ANKRD11: variants seen among roughly 807,000 people sequenced by gnomAD.
The protein encoded by ANKRD11 is ankyrin repeat domain-containing protein 11.
ANKRD11 carries 17 observed loss-of-function variants against 195.7 expected under a neutral mutation model. The observed-to-expected ratio is 0.09, with a 90% confidence interval of 0.06 to 0.13. ANKRD11 has a LOEUF of 0.13. Among genes scored for constraint, ANKRD11 ranks in the 10% least tolerant of loss-of-function variants. ANKRD11 has a pLI of 1.00. For synonymous variants in ANKRD11, 1,953 were observed against 1,528.1 expected (o/e 1.28, Z -6.49); for missense variants, 3,735 against 3,566.1 (o/e 1.05, Z -1.21).
intron 2 of ANKRD11, among the ~76,000 whole-genome samples, chr16:89,389,580 C>T (rs144704825): frequency 9.9e-5 from 15 of 152,230 alleles, no homozygotes; most frequent in South Asian, 4.2e-4. Flanking sequence ...ATGAAGATGA[C>T]GCTGTGTGAG....
intron 9 of ANKRD11, among the ~76,000 whole-genome samples, chr16:89,277,203 T>G (rs1008005870): frequency 1.3e-5 from 2 of 152,122 alleles, no homozygotes; most frequent in Non-Finnish European, 2.9e-5. Context: ...GTGGCAGGGA[T>G]TCTGTGGGCC....
rs767333781 is a variant in ANKRD11 at position 89,280,685 on chromosome 16, G to T, written c.5857C>A (p.Pro1953Thr). ...CTAGAGGCAAGCGCCTGCTCGGAGG[G>T]GTGGGCCCACTCAACGGGCTCCTCG... The part of the protein sequence containing the change: ...ITEEPVEWAH[P>T]SEQALASSLI... Residue 1953 changes from proline to threonine, a missense_variant, in exon 9 of 13, where the codon CCC becomes ACC. Coordinates refer to ENST00000301030, the MANE Select transcript of ANKRD11 (RefSeq NM_013275.6). 3 of 1,613,244 alleles carry T rather than the reference G, an allele frequency of 1.9e-6. No individual in the cohort carries two copies. Among genetic ancestry groups the T allele is most frequent in the Admixed American group, 1.7e-5 (1 of 60,010 alleles).
rs139523271 is a variant in ANKRD11 at position 89,284,330 on chromosome 16, G to A, written c.2212C>T (p.Arg738Cys). ...CTCTCCTTTTCTGCTTTATTCGAACGGTCTTTCTCTTCTCGGAAAGACCTG... is the reference window on the plus strand; with the variant it reads ...CTCTCCTTTTCTGCTTTATTCGAACAGTCTTTCTCTTCTCGGAAAGACCTG... ...ISRSFREEKD[R>C]SNKAEKERSL... The change falls in exon 9 of 13, where the codon CGT becomes TGT. Residue 738 changes from arginine to cysteine, a missense_variant. Transcript: ENST00000301030. 29 of 1,613,296 alleles carry A rather than the reference G, an allele frequency of 1.8e-5. No homozygotes were observed. The highest frequency in any genetic ancestry group is 4.0e-5 in the African/African-American group (3 of 74,742).
intron 3 of ANKRD11, among the ~76,000 whole-genome samples, chr16:89,307,913 T>G (rs1415024460): frequency 6.7e-6 from 1 of 149,784 alleles, no homozygotes; most frequent in African/African-American, 2.5e-5. Flanking sequence ...TGAGGGAAAG[T>G]TTCTACCAAA....
chr16:89,282,235 T>G lies in ANKRD11; in HGVS notation c.4307A>C (p.Glu1436Ala), dbSNP rs1255663606. ...EKKDKNDSER[E>A]PSKKIEKELK... Reference sequence around the variant, plus strand: ...TTCCTTTTCTATTTTCTTGGAAGGTTCTCTCTCGGAATCATTTTTATCTTT... The same window carrying G: ...TTCCTTTTCTATTTTCTTGGAAGGTGCTCTCTCGGAATCATTTTTATCTTT... Residue 1436 changes from glutamate (E) to alanine (A), a missense_variant, in exon 9 of 13, where the codon GAA becomes GCA. Coordinates refer to ENST00000301030, the MANE Select transcript of ANKRD11 (RefSeq NM_013275.6). 1.9e-6 allele frequency: 3 copies of G among 1,614,158 alleles called. No individual in the cohort carries two copies. The Admixed American group carries it at 5.0e-5, about 27-fold the overall frequency.
chr16:89,282,834 C>G lies in ANKRD11; in HGVS notation c.3708G>C (p.Gln1236His). ...TCTTTTCAGCCTTCTCGGGGAGCTT[C>G]TGTTTATTTTTCTTATCTTGCGTGG... ...VDSTQDKKNK[Q>H]KLPEKAEKKH... is the part of the protein sequence containing the mutation. Residue 1236 changes from glutamine to histidine, a missense_variant, in exon 9 of 13, where the codon CAG (glutamine) becomes CAC (histidine). Transcript: ENST00000301030. 6.2e-7 allele frequency: 1 copy of G among 1,611,606 alleles called. No individual in the cohort carries two copies. Among genetic ancestry groups the G allele is most frequent in the Non-Finnish European group, 8.5e-7 (1 of 1,180,010 alleles).
chr16:89,290,228 GA>G (rs2034941057), intron 6 of ANKRD11, among the ~76,000 whole-genome samples: 6 of 124,304 alleles, frequency 4.8e-5, no homozygotes, highest in African/African-American at 1.3e-4. Flanking sequence ...TCCAATGGGG[GA>G]GGCTCAGGGC....
chr16:89,420,738 C>T (rs141446404), intron 1 of ANKRD11, among the ~76,000 whole-genome samples: 155 of 152,226 alleles, frequency 1.0e-3, no homozygotes, highest in African/African-American at 3.6e-3. Flanking sequence ...TCTTAAGAGA[C>T]AGGGTCTCAC....
chr16:89,418,766 C>CT (rs771543095), intron 1 of ANKRD11, among the ~76,000 whole-genome samples: 1,721 of 142,628 alleles, frequency 0.012, 22 homozygotes, highest in African/African-American at 0.032. Flanking sequence ...TTTAAAAGGC[C>CT]TTTTTTTTTT....
chr16:89,458,217 C>T (rs913251525), intron 1 of ANKRD11, among the ~76,000 whole-genome samples: 1 of 151,898 alleles, frequency 6.6e-6, no homozygotes, highest in Non-Finnish European at 1.5e-5. Flanking sequence ...ACTTGCTTTA[C>T]GTAATTTCAT....
chr16:89,373,374 C>T (rs547341569), intron 2 of ANKRD11: 1 of 152,440 alleles, frequency 6.6e-6, no homozygotes, highest in East Asian at 1.9e-4. Flanking sequence ...GCAGGAAGCT[C>T]AATTCCAAAA....
At chr16:89,373,127 G>A (rs1460993630) in intron 2 of ANKRD11, 1 of 152,212 alleles carries the variant, frequency 6.6e-6, no homozygotes, top group Non-Finnish European at 1.5e-5. Flanking sequence ...GCCCTTCTGA[G>A]GGATGCCCTG....
At chr16:89,311,753 A>G (rs2151900438) in intron 3 of ANKRD11, among the ~76,000 whole-genome samples, 1 of 152,340 alleles carries the variant, frequency 6.6e-6, no homozygotes, top group African/African-American at 2.4e-5. Flanking sequence ...GCAAGAGTGA[A>G]GACATGGAGG....
intron 2 of ANKRD11, among the ~76,000 whole-genome samples, chr16:89,395,373 C>A (rs975155965): frequency 6.6e-6 from 1 of 152,208 alleles, no homozygotes; most frequent in South Asian, 2.1e-4. Context: ...AGAGCCCAGT[C>A]CTGCACTGCG....
intron 2 of ANKRD11, among the ~76,000 whole-genome samples, chr16:89,387,250 T>C (rs1375335957): frequency 6.6e-6 from 1 of 150,520 alleles, no homozygotes; most frequent in Non-Finnish European, 1.5e-5. Context: ...AAAGCATCTC[T>C]CAAGGGAGAG....
At chr16:89,337,047 G>A (rs902447097) in intron 2 of ANKRD11, among the ~76,000 whole-genome samples, 12 of 147,872 alleles carry the variant, frequency 8.1e-5, no homozygotes, top group African/African-American at 1.7e-4. Flanking sequence ...TTAGCCAGGT[G>A]TGGTGGTGCA....
At position 89,282,232 on chromosome 16, in the gene ANKRD11, G is replaced by A. The variant is rs1567569519; in HGVS notation, c.4310C>T (p.Pro1437Leu). Residue 1437 changes from proline to leucine, a missense_variant, in exon 9 of 13, where the codon CCT becomes CTT. Coordinates refer to ENST00000301030, the MANE Select transcript of ANKRD11 (RefSeq NM_013275.6). ...TAGTTCCTTTTCTATTTTCTTGGAA[G>A]GTTCTCTCTCGGAATCATTTTTATC... ...KKDKNDSERE[P>L]SKKIEKELKP... is the part of the protein sequence containing the mutation. The A allele has an allele frequency of 1.9e-6, 3 of 1,613,568 alleles. No homozygotes were observed. Among genetic ancestry groups the A allele is most frequent in the Non-Finnish European group, 2.5e-6 (3 of 1,179,926 alleles).
chr16:89,344,889 A>G (rs1362523053), intron 2 of ANKRD11, among the ~76,000 whole-genome samples: 1 of 152,186 alleles, frequency 6.6e-6, no homozygotes, highest in Non-Finnish European at 1.5e-5. Flanking sequence ...CTCAAACTGT[A>G]TTTTCCTTAG....
chr16:89,268,374 C>T lies in ANKRD11; in HGVS notation c.*104G>A. The T allele has an allele frequency of 1.8e-6, 1 of 567,106 alleles. No homozygotes were observed. The highest frequency in any genetic ancestry group is 3.1e-6 in the Non-Finnish European group (1 of 327,030). 35.1% of individuals were successfully genotyped at this position (567,106 alleles called of 1,614,324 possible). A position where few individuals can be genotyped will look rare whatever the true frequency, so the allele number is the denominator to read the frequency against. ...AGTGCAGTCTCTCTCGGGGTCTCTC[C>T]CCGCCCGGGTGGACAGGGCGCTCCC... is the stretch of plus-strand genomic sequence containing the variant. On this transcript the variant is annotated 3_prime_UTR_variant, in exon 13 of 13. Transcript: ENST00000301030.
Sources: gnomAD v4.1 joint callset for allele counts (sites outside exome capture counted in the v4.1 genomes callset) on GRCh38, gnomAD v4.1.1 for gene constraint, MANE v1.5 for transcripts, NCBI Gene and HGNC (gene_info 2026-07-23, HGNC 2026-07-21) for gene names.